PTP4A1: variants seen among roughly 807,000 people sequenced by gnomAD.
PTP4A1 encodes the protein protein tyrosine phosphatase 4A1.
Under a neutral mutation model 20.5 loss-of-function variants are expected in PTP4A1, and 9 were observed. The observed-to-expected ratio is 0.44, with a 90% CI of 0.26 to 0.77. PTP4A1 has a LOEUF of 0.77. Ranked by LOEUF, PTP4A1 falls within the 30% of genes least tolerant of loss-of-function variation. The pLI is 0.19. For missense variants in PTP4A1, 137 were observed against 218.8 expected (o/e 0.63, Z 2.36); for synonymous variants, 78 against 67.4 (o/e 1.16, Z -0.77).
chr6:63,576,700 G>C lies in PTP4A1; in HGVS notation c.-181G>C. 1 of 611,298 alleles carries C rather than the reference G, an allele frequency of 1.6e-6. No individual in the cohort carries two copies. Among genetic ancestry groups the C allele is most frequent in the South Asian group, 2.1e-5 (1 of 47,988 alleles). 37.9% of individuals were successfully genotyped at this position (611,298 alleles called of 1,614,324 possible). A position where few individuals can be genotyped will look rare whatever the true frequency, so the allele number is the denominator to read the frequency against. On this transcript the variant is annotated 5_prime_UTR_variant, in exon 2 of 6. Coordinates refer to ENST00000626021, the MANE Select transcript of PTP4A1 (RefSeq NM_003463.5). ...TTGGCCTCAGTATTACTGGATTGAA[G>C]AATTGCTGCTTCTTGTTAGGAGGTT...
intron 2 of PTP4A1, among the ~76,000 whole-genome samples, chr6:63,546,103 C>G (rs1286800859): frequency 1.3e-5 from 2 of 151,884 alleles, no homozygotes; most frequent in African/African-American, 4.8e-5. Flanking sequence ...TTCACAATAG[C>G]CAACAAATAA....
chr6:63,579,007 A>G lies in PTP4A1; in HGVS notation c.308A>G (p.His103Arg). ...REEPGCCIAV[H>R]CVAGLGRAPV... ...GAACCTGGTTGTTGTATTGCTGTTC[A>G]TTGCGTTGCAGGCCTTGGGAGGTAA... Residue 103 changes from histidine to arginine, a missense_variant, in exon 4 of 6, where the codon CAT becomes CGT. Coordinates refer to ENST00000626021, the MANE Select transcript of PTP4A1 (RefSeq NM_003463.5). The G allele has an allele frequency of 6.2e-7, 1 of 1,602,412 alleles. No homozygotes were observed. Among genetic ancestry groups the G allele is most frequent in the Non-Finnish European group, 8.5e-7 (1 of 1,176,024 alleles).
At chr6:63,529,693 A>T (rs1775368733) in intron 2 of PTP4A1, among the ~76,000 whole-genome samples, 1 of 152,192 alleles carries the variant, frequency 6.6e-6, no homozygotes. Flanking sequence ...AAGTTTTGTG[A>T]ACCAAGGGTG....
rs1457298578 is a variant in PTP4A1, at chr6:63,581,455, CATT to C, written c.*1282_*1284del. On this transcript the variant is annotated 3_prime_UTR_variant, in exon 6 of 6. Transcript: ENST00000626021. ...ATAAATAATGACATGCATTTATCAT[CATT>C]GAGATTGGTTTGCTTAAAATTAACT... The C allele has an allele frequency of 6.6e-5, 10 of 152,650 alleles. No homozygotes were observed. Among genetic ancestry groups the C allele is most frequent in the African/African-American group, 2.4e-4 (10 of 41,570 alleles). The allele number at this position is 152,650 out of a possible 1,614,324, so 9.5% of individuals were successfully genotyped here. A position where few individuals can be genotyped will look rare whatever the true frequency, so the allele number is the denominator to read the frequency against.
rs1396217334 is a variant in PTP4A1 at position 63,560,110 on chromosome 6, A to T, written c.-446+9617A>T. Among the ~76,000 whole-genome samples the T allele has an allele frequency of 2.0e-5, 3 of 152,284 alleles. No individual in the cohort carries two copies. In the East Asian group the frequency reaches 5.8e-4, roughly 30 times the overall value. On this transcript the variant is annotated intron_variant, in intron 3 of 3. Coordinates refer to the PTP4A1 transcript ENST00000639568. The stretch of plus-strand genomic sequence containing the variant: ...ATCATTTACAATAGTGCCTCTCAAT[A>T]AAAATGAATTACTTGAAAAGTGAAA...
At position 63,532,333 on chromosome 6, in the gene PTP4A1, T is replaced by C. The variant is rs62412915; in HGVS notation, c.-640+4249T>C. 1.9e-3 allele frequency among the ~76,000 whole-genome samples: 286 copies of C among 152,344 alleles called. 1 individual carries two copies. Among genetic ancestry groups the C allele is most frequent in the Middle Eastern group, 0.01 (3 of 294 alleles). Reference sequence around the variant, plus strand: ...TAAGTTGTTTTTTGATCTTTTCCTATAAGATTTTCCACAGTTTAGCTTCTG... The same window carrying C: ...TAAGTTGTTTTTTGATCTTTTCCTACAAGATTTTCCACAGTTTAGCTTCTG... On this transcript the variant is annotated intron_variant, in intron 2 of 3. Coordinates refer to the PTP4A1 transcript ENST00000639568.
Position 63,572,659 on chromosome 6 carries a change from C to T in PTP4A1, c.-506C>T. The T allele has an allele frequency of 2.4e-6, 1 of 411,734 alleles. No homozygotes were observed. Among genetic ancestry groups the T allele is most frequent in the Admixed American group, 4.4e-5 (1 of 22,822 alleles). The allele number at this position is 411,734 out of a possible 1,614,324, so 25.5% of individuals were successfully genotyped here. A position where few individuals can be genotyped will look rare whatever the true frequency, so the allele number is the denominator to read the frequency against. The stretch of plus-strand genomic sequence containing the variant: ...GCAGCCACCGCCACCGCCTGTGTCG[C>T]CGCCGCCTCGGGACCGGCTGTATGA... On this transcript the variant is annotated 5_prime_UTR_variant, in exon 1 of 6. Coordinates refer to ENST00000626021, the MANE Select transcript of PTP4A1 (RefSeq NM_003463.5).
chr6:63,521,695 C>T (rs1314782542), upstream of PTP4A1: 1 of 152,210 alleles, frequency 6.6e-6, no homozygotes, highest in Admixed American at 6.5e-5. Context: ...GCCTCCCCTA[C>T]AGTAACTCAT....
At chr6:63,560,577 T>A (rs1409636303) in intron 3 of PTP4A1, among the ~76,000 whole-genome samples, 1 of 151,894 alleles carries the variant, frequency 6.6e-6, no homozygotes, top group Non-Finnish European at 1.5e-5. Context: ...TCTGTGTATT[T>A]TTTTTAAGTA....
intron 2 of PTP4A1, among the ~76,000 whole-genome samples, chr6:63,529,903 G>T (rs909938056): frequency 6.6e-6 from 1 of 152,114 alleles, no homozygotes; most frequent in Non-Finnish European, 1.5e-5. Flanking sequence ...CAGTAAGTTA[G>T]TATTTTCACT....
Position 63,579,261 on chromosome 6 carries a change from C to G in PTP4A1, c.334C>G (p.Pro112Ala). ...VHCVAGLGRA[P>A]VLVALALIEG... The stretch of plus-strand genomic sequence containing the variant: ...TCAAAATTCTTACCTCACCAGAGCT[C>G]CAGTACTTGTTGCCCTAGCATTAAT... Residue 112 changes from proline (P) to alanine (A), a missense_variant, in exon 5 of 6, where the codon CCA becomes GCA. Transcript: ENST00000626021. The G allele has an allele frequency of 6.2e-7, 1 of 1,609,192 alleles. No homozygotes were observed. Among genetic ancestry groups the G allele is most frequent in the Non-Finnish European group, 8.5e-7 (1 of 1,177,560 alleles).
upstream of PTP4A1, among the ~76,000 whole-genome samples, chr6:63,517,661 C>T (rs1162632281): frequency 6.6e-6 from 1 of 152,098 alleles, no homozygotes; most frequent in Non-Finnish European, 1.5e-5. Context: ...CACATACACA[C>T]ACATATATAT....
At chr6:63,572,277 C>T (rs569365722), upstream of PTP4A1, 15 of 189,748 alleles carry the variant, frequency 7.9e-5, no homozygotes, top group South Asian at 2.5e-3. Context: ...CTTCCCTCCC[C>T]CGCCCCGGGG....
chr6:63,523,757 G>A (rs568578568), intron 1 of PTP4A1, among the ~76,000 whole-genome samples: 6 of 151,974 alleles, frequency 3.9e-5, no homozygotes, highest in Non-Finnish European at 5.9e-5. Flanking sequence ...ATCAGCTATC[G>A]TTAGTGTTAG....
chr6:63,549,243 T>C (rs1234487011), intron 2 of PTP4A1: 3 of 740,946 alleles, frequency 4.0e-6, no homozygotes, highest in African/African-American at 1.7e-5. Flanking sequence ...AGCTGTTTGG[T>C]GGTCCAGGGC....
intron 1 of PTP4A1, among the ~76,000 whole-genome samples, chr6:63,523,440 C>T (rs1775024695): frequency 6.6e-6 from 1 of 151,900 alleles, no homozygotes; most frequent in Non-Finnish European, 1.5e-5. Flanking sequence ...AGGTTTGAAC[C>T]CGGGAGGTTG....
chr6:63,525,736 G>A (rs1244208982), intron 1 of PTP4A1, among the ~76,000 whole-genome samples: 1 of 152,104 alleles, frequency 6.6e-6, no homozygotes, highest in Non-Finnish European at 1.5e-5. Context: ...GCTGCTTTCT[G>A]CAATTACTTT....
At chr6:63,539,444 G>A (rs1482530346) in intron 2 of PTP4A1, among the ~76,000 whole-genome samples, 1 of 151,992 alleles carries the variant, frequency 6.6e-6, no homozygotes, top group Non-Finnish European at 1.5e-5. Flanking sequence ...TATTCTTTAT[G>A]GTTTGCAAAT....
At chr6:63,541,927 G>T (rs528094196) in intron 2 of PTP4A1, among the ~76,000 whole-genome samples, 8 of 151,444 alleles carry the variant, frequency 5.3e-5, no homozygotes, top group Admixed American at 2.0e-4. Context: ...ATCTTTTTCT[G>T]CCATTTTAAA....
Sources: gnomAD v4.1 joint callset for allele counts (sites outside exome capture counted in the v4.1 genomes callset) on GRCh38, gnomAD v4.1.1 for gene constraint, MANE v1.5 for transcripts, NCBI Gene and HGNC (gene_info 2026-07-23, HGNC 2026-07-21) for gene names.